ARHGAP6: variants seen among roughly 807,000 people sequenced by gnomAD.
ARHGAP6 encodes the protein rho GTPase-activating protein 6.
ARHGAP6 carries 16 observed loss-of-function variants against 55.7 expected under a neutral mutation model. The observed-to-expected ratio is 0.29, with a 90% CI of 0.19 to 0.44. ARHGAP6 has a LOEUF of 0.44. Among genes scored for constraint, ARHGAP6 ranks in the 20% least tolerant of loss-of-function variants. ARHGAP6 has a pLI of 1.00. For missense variants in ARHGAP6, 698 were observed against 808.9 expected, an observed-to-expected ratio of 0.86 and a Z score of 1.66; for synonymous variants, 382 against 360.9, an observed-to-expected ratio of 1.06 and a Z score of -0.66.
At chrX:11,632,882 G>T (rs2052376253) in intron 1 of ARHGAP6, among the ~76,000 whole-genome samples, 1 of 111,947 alleles carries the variant, frequency 8.9e-6, no homozygotes, top group Non-Finnish European at 1.9e-5. Flanking sequence ...GCTAGTGACT[G>T]GCACCTGTCC....
At chrX:11,327,424 A>G (rs2048512068) in intron 1 of ARHGAP6, among the ~76,000 whole-genome samples, 1 of 112,463 alleles carries the variant, frequency 8.9e-6, no homozygotes, top group Non-Finnish European at 1.9e-5. Context: ...TCTAAGGCCA[A>G]ACTAAATTCA....
intron 1 of ARHGAP6, among the ~76,000 whole-genome samples, chrX:11,628,959 T>C (rs1416983873): frequency 9.2e-6 from 1 of 108,263 alleles, no homozygotes; most frequent in African/African-American, 3.4e-5. Context: ...ATTACTGTCA[T>C]ATGATCATCC....
intron 1 of ARHGAP6, among the ~76,000 whole-genome samples, chrX:11,539,654 C>T (rs916344286): frequency 3.6e-5 from 4 of 111,476 alleles, no homozygotes; most frequent in East Asian, 2.8e-4. Flanking sequence ...CTAGCCTAAG[C>T]GATCCAACAT....
At chrX:11,484,427 A>C (rs1163543223) in intron 1 of ARHGAP6, among the ~76,000 whole-genome samples, 2 of 108,444 alleles carry the variant, frequency 1.8e-5, no homozygotes, top group Non-Finnish European at 3.8e-5. Flanking sequence ...GAAGAGGAAG[A>C]AAAAGAAGAA....
intron 1 of ARHGAP6, among the ~76,000 whole-genome samples, chrX:11,499,610 C>T (rs925376328): frequency 1.8e-5 from 2 of 112,048 alleles, no homozygotes; most frequent in Non-Finnish European, 3.8e-5. Flanking sequence ...AAGGTTTCTC[C>T]AACTTTTAGG....
intron 1 of ARHGAP6, among the ~76,000 whole-genome samples, chrX:11,438,363 C>T (rs1356354671): frequency 8.9e-6 from 1 of 112,558 alleles, no homozygotes; most frequent in Non-Finnish European, 1.9e-5. Flanking sequence ...ATGCTAATTC[C>T]GGAGCCACGT....
At chrX:11,529,893 G>T (rs984929363) in intron 1 of ARHGAP6, among the ~76,000 whole-genome samples, 4 of 111,571 alleles carry the variant, frequency 3.6e-5, no homozygotes, top group Non-Finnish European at 7.5e-5. Flanking sequence ...ACTTATTTCT[G>T]TCAAAAATAT....
At chrX:11,218,811 C>T (rs2046918024) in intron 2 of ARHGAP6, among the ~76,000 whole-genome samples, 2 of 110,583 alleles carry the variant, frequency 1.8e-5, no homozygotes, top group Non-Finnish European at 3.8e-5. Flanking sequence ...TAGTGATATC[C>T]CCTTGATCAT....
chrX:11,353,793 T>C (rs2048891828), intron 1 of ARHGAP6, among the ~76,000 whole-genome samples: 1 of 111,133 alleles, frequency 9.0e-6, no homozygotes, highest in South Asian at 3.8e-4. Flanking sequence ...CTCTGTACTT[T>C]CTGATCATTT....
At chrX:11,382,470 A>G (rs1365459925) in intron 1 of ARHGAP6, among the ~76,000 whole-genome samples, 4 of 111,656 alleles carry the variant, frequency 3.6e-5, no homozygotes, top group Non-Finnish European at 7.5e-5. Context: ...CTATTGGCCT[A>G]TTTTCATTGT....
At chrX:11,179,082 T>C (rs1263684413) in intron 7 of ARHGAP6, among the ~76,000 whole-genome samples, 4 of 112,488 alleles carry the variant, frequency 3.6e-5, no homozygotes, top group Non-Finnish European at 7.5e-5. Context: ...TGAAAGCATC[T>C]CAAATTCTTC....
At chrX:11,161,619 A>G (rs1454670826) in intron 9 of ARHGAP6, among the ~76,000 whole-genome samples, 8 of 112,134 alleles carry the variant, frequency 7.1e-5, no homozygotes, top group Admixed American at 6.6e-4. Flanking sequence ...TAGATTACCA[A>G]TTGCAAAGAG....
At chrX:11,283,926 G>C (rs5934990) in intron 1 of ARHGAP6, among the ~76,000 whole-genome samples, 2,505 of 112,078 alleles carry the variant, frequency 0.022, 31 homozygotes, top group Middle Eastern at 0.065. Context: ...CTAAGTTTGT[G>C]ATTATTTATT....
chrX:11,205,725 T>C (rs2046695766), intron 2 of ARHGAP6, among the ~76,000 whole-genome samples: 2 of 111,790 alleles, frequency 1.8e-5, no homozygotes, highest in South Asian at 7.5e-4. Flanking sequence ...TGTTGTAAAG[T>C]CTTCCCTATC....
chrX:11,205,076 T>C (rs1195442310), intron 2 of ARHGAP6, among the ~76,000 whole-genome samples: 2 of 111,909 alleles, frequency 1.8e-5, no homozygotes, highest in Non-Finnish European at 3.8e-5. Context: ...TCTTTCTCCC[T>C]GCAGGCGAAT....
At chrX:11,423,624 A>T (rs934601780) in intron 1 of ARHGAP6, among the ~76,000 whole-genome samples, 1 of 112,564 alleles carries the variant, frequency 8.9e-6, no homozygotes, top group Non-Finnish European at 1.9e-5. Context: ...CTAGGTCTCA[A>T]CTACTAGATT....
chrX:11,421,604 G>C (rs866110918), intron 1 of ARHGAP6, among the ~76,000 whole-genome samples: 4 of 112,018 alleles, frequency 3.6e-5, no homozygotes, highest in Middle Eastern at 4.6e-3. Flanking sequence ...TAAAACAAAG[G>C]ACTGCTCTGA....
chrX:11,325,922 G>C (rs2048491474), intron 1 of ARHGAP6, among the ~76,000 whole-genome samples: 1 of 110,780 alleles, frequency 9.0e-6, no homozygotes, highest in South Asian at 3.8e-4. Flanking sequence ...CAATGCACAG[G>C]ACAGCCCCTC....
chrX:11,173,039 T>C (rs1261832848), intron 8 of ARHGAP6, among the ~76,000 whole-genome samples: 1 of 112,105 alleles, frequency 8.9e-6, no homozygotes, highest in Non-Finnish European at 1.9e-5. Context: ...AAACAGCTGC[T>C]GCTGTTGTCC....
Sources: gnomAD v4.1 joint callset for allele counts (sites outside exome capture counted in the v4.1 genomes callset) on GRCh38, gnomAD v4.1.1 for gene constraint, MANE v1.5 for transcripts, NCBI Gene and HGNC (gene_info 2026-07-23, HGNC 2026-07-21) for gene names.